The following TMC1 variants were observed in gnomAD, a reference collection of about 807,000 sequenced individuals.
TMC1 encodes the protein transmembrane channel like 1, also known as transmembrane channel-like protein 1.
In TMC1, 84 loss-of-function variants were observed where a neutral mutation model predicts 105.8. The ratio of observed to expected loss-of-function variants is 0.79; its 90% CI spans 0.67 to 0.95. The LOEUF is 0.95. TMC1 is among the 40% of genes least tolerant of loss of function. The pLI is 0.00. For synonymous variants in TMC1, 315 were observed against 311.5 expected (o/e 1.01, Z -0.12); for missense variants, 817 against 914.1 (o/e 0.89, Z 1.37).
intron 8 of TMC1, among the ~76,000 whole-genome samples, chr9:72,713,376 G>T (rs1482319235): frequency 6.6e-6 from 1 of 152,094 alleles, no homozygotes; most frequent in Non-Finnish European, 1.5e-5. Flanking sequence ...TACTTCTGGT[G>T]GAATTCATCT....
chr9:72,579,664 A>G (rs1481636059), intron 2 of TMC1, among the ~76,000 whole-genome samples: 1 of 152,166 alleles, frequency 6.6e-6, no homozygotes, highest in Non-Finnish European at 1.5e-5. Flanking sequence ...CAGGTGCTTT[A>G]AATATGTTAT....
intron 12 of TMC1, among the ~76,000 whole-genome samples, chr9:72,769,846 G>T (rs1827896865): frequency 6.6e-6 from 1 of 152,160 alleles, no homozygotes. Flanking sequence ...TGTCCCATGA[G>T]GGTTAAATAA....
intron 19 of TMC1, among the ~76,000 whole-genome samples, chr9:72,817,664 T>G (rs1828808447): frequency 6.6e-6 from 1 of 152,222 alleles, no homozygotes; most frequent in South Asian, 2.1e-4. Context: ...GACAACAGAT[T>G]GGTCTAGAAA....
At chr9:72,663,636 G>A (rs1262458450) in intron 5 of TMC1, among the ~76,000 whole-genome samples, 1 of 152,078 alleles carries the variant, frequency 6.6e-6, no homozygotes, top group African/African-American at 2.4e-5. Flanking sequence ...CACTGTTAAC[G>A]TTTGCAAAGG....
At chr9:72,652,880 A>C (rs1230875680) in intron 5 of TMC1, among the ~76,000 whole-genome samples, 1 of 152,208 alleles carries the variant, frequency 6.6e-6, no homozygotes, top group Non-Finnish European at 1.5e-5. Context: ...TACAAAATAA[A>C]GGTGGCAATC....
In TMC1 at chr9:72,725,537, C is replaced by G. The variant is rs578150873; in HGVS notation, c.363-14582C>G. 3.3e-5 allele frequency among the ~76,000 whole-genome samples: 5 copies of G among 151,628 alleles called. No individual in the cohort carries two copies. The East Asian group carries it at 9.8e-4, about 30-fold the overall frequency. Reference sequence around the variant, plus strand: ...TCCGATATTCGAGGGCATGAAGCATCCAGCACAGGAGAAAGATGTTGTCGG... The same window carrying G: ...TCCGATATTCGAGGGCATGAAGCATGCAGCACAGGAGAAAGATGTTGTCGG... On this transcript the variant is annotated intron_variant, in intron 8 of 23. Coordinates refer to ENST00000297784, the MANE Select transcript of TMC1 (RefSeq NM_138691.3).
intron 7 of TMC1, among the ~76,000 whole-genome samples, chr9:72,695,679 A>G (rs762750847): frequency 2.0e-5 from 3 of 152,158 alleles, no homozygotes; most frequent in Non-Finnish European, 4.4e-5. Flanking sequence ...TATTCCTTAT[A>G]AATGATTGTC....
At chr9:72,608,106 T>G (rs1824955772) in intron 2 of TMC1, among the ~76,000 whole-genome samples, 1 of 152,200 alleles carries the variant, frequency 6.6e-6, no homozygotes, top group Non-Finnish European at 1.5e-5. Context: ...ACCAAGAATC[T>G]GTATTTCAGA....
chr9:72,745,573 CT>C (rs1454682042), intron 10 of TMC1, among the ~76,000 whole-genome samples: 4 of 151,972 alleles, frequency 2.6e-5, no homozygotes, highest in African/African-American at 9.7e-5. Context: ...GCTTAATGTA[CT>C]GATTTTAATG....
At chr9:72,642,969 A>G (rs1825651555) in intron 4 of TMC1, among the ~76,000 whole-genome samples, 1 of 152,210 alleles carries the variant, frequency 6.6e-6, no homozygotes, top group Non-Finnish European at 1.5e-5. Flanking sequence ...CAAGAGTGTC[A>G]AATAAATGGA....
chr9:72,794,627 G>A (rs1385847469), intron 17 of TMC1, among the ~76,000 whole-genome samples: 1 of 152,184 alleles, frequency 6.6e-6, no homozygotes, highest in Non-Finnish European at 1.5e-5. Context: ...CCTATTGACT[G>A]TATTCAATCT....
At chr9:72,539,995 G>A (rs1823647568) in intron 1 of TMC1, among the ~76,000 whole-genome samples, 1 of 152,156 alleles carries the variant, frequency 6.6e-6, no homozygotes, top group South Asian at 2.1e-4. Flanking sequence ...ATCACATGGC[G>A]AGAGAGGAAG....
chr9:72,557,790 T>C (rs755986416), intron 1 of TMC1, among the ~76,000 whole-genome samples: 7 of 151,532 alleles, frequency 4.6e-5, no homozygotes, highest in Non-Finnish European at 8.8e-5. Flanking sequence ...ATTGATCTGC[T>C]CACTCAAGTC....
At chr9:72,809,457 T>C (rs932213764) in intron 18 of TMC1, among the ~76,000 whole-genome samples, 1 of 152,186 alleles carries the variant, frequency 6.6e-6, no homozygotes, top group Non-Finnish European at 1.5e-5. Context: ...ATGACGAATC[T>C]TTGATGTAGA....
chr9:72,789,883 A>G (rs1488019044), intron 15 of TMC1, among the ~76,000 whole-genome samples: 1 of 152,154 alleles, frequency 6.6e-6, no homozygotes, highest in Admixed American at 6.5e-5. Context: ...CAGCATCTCC[A>G]TCTCCATTTC....
intron 5 of TMC1, among the ~76,000 whole-genome samples, chr9:72,684,493 G>C (rs1826343052): frequency 1.3e-5 from 2 of 152,092 alleles, no homozygotes; most frequent in South Asian, 4.1e-4. Context: ...TTCTTCTCCT[G>C]TTCCTCACCA....
intron 4 of TMC1, among the ~76,000 whole-genome samples, chr9:72,644,218 A>G (rs1360245031): frequency 1.3e-5 from 2 of 151,818 alleles, no homozygotes; most frequent in Non-Finnish European, 2.9e-5. Flanking sequence ...CCAGTCTGTG[A>G]TTGTCTTTTC....
chr9:72,806,621 C>G (rs549069392), intron 18 of TMC1, among the ~76,000 whole-genome samples: 29 of 149,440 alleles, frequency 1.9e-4, no homozygotes, highest in African/African-American at 6.9e-4. Context: ...ACCTCCCAGA[C>G]GGGGTCGCAG....
At chr9:72,821,684 G>A (rs965668014) in intron 20 of TMC1, among the ~76,000 whole-genome samples, 6 of 152,198 alleles carry the variant, frequency 3.9e-5, no homozygotes, top group African/African-American at 1.4e-4. Context: ...CTGTTTCCAT[G>A]TTAGAGGATA....
Sources: gnomAD v4.1 joint callset for allele counts (sites outside exome capture counted in the v4.1 genomes callset) on GRCh38, gnomAD v4.1.1 for gene constraint, MANE v1.5 for transcripts, NCBI Gene and HGNC (gene_info 2026-07-23, HGNC 2026-07-21) for gene names.